Variants in ARHGAP10 observed in about 807,000 individuals in gnomAD.
The protein encoded by ARHGAP10 is rho GTPase-activating protein 10.
In ARHGAP10, 87 loss-of-function variants were observed where a neutral mutation model predicts 108.6. The ratio of observed to expected loss-of-function variants is 0.80; its 90% CI spans 0.67 to 0.96. The LOEUF is 0.96. Among genes scored for constraint, ARHGAP10 ranks in the 40% least tolerant of loss-of-function variants. The probability of loss-of-function intolerance (pLI) is 0.00; values close to 1 mark genes in which losing one functional copy is unlikely to be tolerated. For synonymous variants in ARHGAP10, 347 were observed against 341.1 expected, an observed-to-expected ratio of 1.02 and a Z score of -0.19; for missense variants, 939 against 954.5, an observed-to-expected ratio of 0.98 and a Z score of 0.21.
intron 10 of ARHGAP10, among the ~76,000 whole-genome samples, chr4:147,903,291 A>T (rs745522792): frequency 2.7e-4 from 41 of 152,306 alleles, no homozygotes; most frequent in Non-Finnish European, 5.1e-4. Flanking sequence ...TTCAAAAAAA[A>T]CTTTTCTGAG....
At chr4:147,746,957 T>C (rs1728950474) in intron 1 of ARHGAP10, among the ~76,000 whole-genome samples, 1 of 152,050 alleles carries the variant, frequency 6.6e-6, no homozygotes, top group Admixed American at 6.6e-5. Flanking sequence ...CTTGTAAGAG[T>C]GGTTTTCCTC....
In ARHGAP10 at chr4:147,985,880, C is replaced by T. The variant is rs191562631; in HGVS notation, c.1716+19041C>T. 7.0e-4 allele frequency among the ~76,000 whole-genome samples: 106 copies of T among 152,272 alleles called. 1 individual carries two copies. In the East Asian group the frequency reaches 0.019, roughly 27 times the overall value. ...TCCCTAGCAGTAAGGGAAATGACAG[C>T]GGGAGGTCCTCTGCCTCTTATGTAT... On this transcript the variant is annotated intron_variant, in intron 18 of 22. Transcript: ENST00000336498.
In ARHGAP10 at chr4:147,933,223, G is replaced by T. The variant is rs74288690; in HGVS notation, c.1229-6602G>T. Among the ~76,000 whole-genome samples, 4 of 152,176 alleles carry T rather than the reference G, an allele frequency of 2.6e-5. No homozygotes were observed. In the South Asian group the frequency reaches 8.3e-4, roughly 32 times the overall value. On this transcript the variant is annotated intron_variant, in intron 13 of 22. Transcript: ENST00000336498. ...TTCCCTGAATGTTCTTTTAAAAATT[G>T]TTTATTTTTTTAGGGACAAGGTTTT...
Position 147,732,323 on chromosome 4 carries a change from T to G in ARHGAP10, c.22T>G (p.Phe8Val). The change falls in exon 1 of 23, where the codon TTC (phenylalanine) becomes GTC (valine). Residue 8 changes from phenylalanine (F) to valine (V), a missense_variant. Transcript: ENST00000336498. ...CGTCATGGGGCTGCAGCCCCTGGAG[T>G]TCAGCGACTGCTACCTCGACAGCCC... is the stretch of plus-strand genomic sequence containing the variant. MGLQPLE[F>V]SDCYLDSPWF... The G allele has an allele frequency of 6.2e-7, 1 of 1,612,194 alleles. No homozygotes were observed. The highest frequency in any genetic ancestry group is 8.5e-7 in the Non-Finnish European group (1 of 1,179,196).
intron 1 of ARHGAP10, among the ~76,000 whole-genome samples, chr4:147,758,822 T>C (rs1358095721): frequency 6.6e-6 from 1 of 151,886 alleles, no homozygotes; most frequent in Non-Finnish European, 1.5e-5. Flanking sequence ...CTACTAAAAA[T>C]ACAAAAATTA....
intron 3 of ARHGAP10, among the ~76,000 whole-genome samples, chr4:147,834,898 A>G (rs1283204678): frequency 6.6e-6 from 1 of 151,624 alleles, no homozygotes; most frequent in African/African-American, 2.4e-5. Flanking sequence ...TTCCCCTAAT[A>G]AATTTCTTGT....
chr4:147,889,835 G>A (rs990381305), intron 10 of ARHGAP10, among the ~76,000 whole-genome samples: 8 of 152,106 alleles, frequency 5.3e-5, no homozygotes, highest in Admixed American at 2.0e-4. Flanking sequence ...TATTTGTGGC[G>A]TTATTTTAGA....
In ARHGAP10 at chr4:147,864,730, A is replaced by G. The variant is rs1418175415; in HGVS notation, c.487-116A>G. 5.2e-6 allele frequency: 4 copies of G among 766,326 alleles called. No individual in the cohort carries two copies. In the East Asian group the frequency reaches 1.1e-4, roughly 21 times the overall value. The allele number at this position is 766,326 out of a possible 1,614,324, so 47.5% of individuals were successfully genotyped here. A position where few individuals can be genotyped will look rare whatever the true frequency, so the allele number is the denominator to read the frequency against. On this transcript the variant is annotated intron_variant, in intron 5 of 22. Coordinates refer to ENST00000336498, the MANE Select transcript of ARHGAP10 (RefSeq NM_024605.4). ...GTACCTGTGTTGCAATACTTTATTT[A>G]CAAAATCAGGCAGCACACCGTATTT...
At position 148,023,326 on chromosome 4, in the gene ARHGAP10, A is replaced by T. The variant is rs779982536; in HGVS notation, c.1780A>T (p.Asn594Tyr). 4 of 1,614,054 alleles carry T rather than the reference A, an allele frequency of 2.5e-6. No individual in the cohort carries two copies. In the African/African-American group the frequency reaches 4.0e-5, roughly 16 times the overall value. The change falls in exon 19 of 23, where the codon AAT (asparagine) becomes TAT (tyrosine). Residue 594 changes from asparagine to tyrosine, a missense_variant. By Grantham distance (143) the Asn-to-Tyr change is moderately radical. Coordinates refer to ENST00000336498, the MANE Select transcript of ARHGAP10 (RefSeq NM_024605.4). ...EPTCLSASPP[N>Y]APPRQSKRQG... ...CACCTGCCTGTCAGCATCACCCCCA[A>T]ATGCGCCACCAAGGCAGTCGAAGAG... is the stretch of plus-strand genomic sequence containing the variant.
rs1223668015 is a variant in ARHGAP10, at chr4:147,875,150, A to G, written c.832A>G (p.Arg278Gly). ...AEGYLYVQEK[R>G]PAPFGSSWVK... ...AGGCTACCTGTATGTCCAGGAAAAA[A>G]GTAAGAGGCCCTCCAGCAGTGGCTG... The change falls in exon 8 of 23, where the codon AGG becomes GGG. Residue 278 changes from arginine (R) to glycine (G), a missense_variant and splice_region_variant. By Grantham distance (125) the Arg-to-Gly change is moderately radical (BLOSUM62 -2). Transcript: ENST00000336498. 1 of 1,572,888 alleles carries G rather than the reference A, an allele frequency of 6.4e-7. No homozygotes were observed. Among genetic ancestry groups the G allele is most frequent in the African/African-American group, 1.4e-5 (1 of 72,544 alleles).
chr4:147,943,797 G>A (rs1305026886), intron 14 of ARHGAP10, among the ~76,000 whole-genome samples: 4 of 152,170 alleles, frequency 2.6e-5, no homozygotes, highest in African/African-American at 9.7e-5. Flanking sequence ...CCTAGTCCCA[G>A]TGCATTCACT....
intron 18 of ARHGAP10, among the ~76,000 whole-genome samples, chr4:147,995,732 T>C (rs749128703): frequency 6.6e-6 from 1 of 152,148 alleles, no homozygotes; most frequent in Non-Finnish European, 1.5e-5. Flanking sequence ...CTCTTTTTTT[T>C]TCATGACGGA....
rs570791477 is a variant in ARHGAP10 at position 148,064,611 on chromosome 4, G to A, written c.2272+104G>A. 1.7e-4 allele frequency: 168 copies of A among 981,934 alleles called. 2 individuals are homozygous for A. In the East Asian group the frequency reaches 3.9e-3, roughly 23 times the overall value. The allele number at this position is 981,934 out of a possible 1,614,324, so 60.8% of individuals were successfully genotyped here. Reference sequence around the variant, plus strand: ...GATGGTGCTGTTGTCGGGAGGGCGAGTCTCCCCCTTGATGCTTTGGACTGG... The same window carrying A: ...GATGGTGCTGTTGTCGGGAGGGCGAATCTCCCCCTTGATGCTTTGGACTGG... On this transcript the variant is annotated intron_variant, in intron 22 of 22. Coordinates refer to ENST00000336498, the MANE Select transcript of ARHGAP10 (RefSeq NM_024605.4).
chr4:147,832,046 C>G (rs969442129), intron 3 of ARHGAP10, among the ~76,000 whole-genome samples: 1 of 152,060 alleles, frequency 6.6e-6, no homozygotes, highest in South Asian at 2.1e-4. Context: ...TCTGAGGAAT[C>G]GGCCAACTCT....
chr4:147,927,304 A>G (rs748607979), intron 13 of ARHGAP10, among the ~76,000 whole-genome samples: 66 of 152,254 alleles, frequency 4.3e-4, no homozygotes, highest in South Asian at 8.3e-4. Flanking sequence ...CTAAAGTTAG[A>G]CCTGCCTTTT....
chr4:147,873,964 T>C (rs1734955386), intron 7 of ARHGAP10, among the ~76,000 whole-genome samples: 1 of 151,846 alleles, frequency 6.6e-6, no homozygotes. Context: ...CTACTTTCTT[T>C]GCGGGCTTAC....
intron 20 of ARHGAP10, among the ~76,000 whole-genome samples, chr4:148,061,417 T>A (rs970846808): frequency 5.3e-5 from 8 of 152,164 alleles, no homozygotes; most frequent in Non-Finnish European, 1.0e-4. Flanking sequence ...CGCCTACCTG[T>A]CCTTTCCGTT....
At chr4:147,818,605 C>G (rs977999209) in intron 1 of ARHGAP10, among the ~76,000 whole-genome samples, 31 of 150,518 alleles carry the variant, frequency 2.1e-4, no homozygotes, top group Non-Finnish European at 8.8e-5. Context: ...TTAGTTTCCT[C>G]TATTCTCCCT....
intron 22 of ARHGAP10, among the ~76,000 whole-genome samples, chr4:148,068,705 CAG>C (rs1412116198): frequency 6.6e-6 from 1 of 152,310 alleles, no homozygotes; most frequent in East Asian, 1.9e-4. Context: ...GGAGATAGGA[CAG>C]AGCCCAGGAC....
Sources: gnomAD v4.1 joint callset for allele counts (sites outside exome capture counted in the v4.1 genomes callset) on GRCh38, gnomAD v4.1.1 for gene constraint, MANE v1.5 for transcripts, NCBI Gene and HGNC (gene_info 2026-07-23, HGNC 2026-07-21) for gene names.